KLHL12: variants seen among roughly 807,000 people sequenced by gnomAD.
KLHL12 encodes the protein kelch-like protein 12.
In KLHL12, 17 loss-of-function variants were observed where a neutral mutation model predicts 60.8. That is an observed-to-expected ratio of 0.28 (90% confidence interval 0.19 to 0.42). The LOEUF (loss-of-function observed/expected upper bound fraction) is 0.42. Among genes scored for constraint, KLHL12 ranks in the 10% least tolerant of loss-of-function variants. The pLI, the probability that KLHL12 is intolerant of heterozygous loss-of-function variation, is 1.00. For missense variants in KLHL12, 468 were observed against 722.3 expected (o/e 0.65, Z 4.04); for synonymous variants, 220 against 250.9 (o/e 0.88, Z 1.16).
chr1:202,921,955 T>C (rs1280806557), intron 2 of KLHL12, among the ~76,000 whole-genome samples: 2 of 152,202 alleles, frequency 1.3e-5, no homozygotes, highest in Admixed American at 1.3e-4. Flanking sequence ...TGAAAAAACA[T>C]ATTAGGTTTT....
intron 6 of KLHL12, among the ~76,000 whole-genome samples, chr1:202,902,428 CAA>C (rs1217257704): frequency 7.3e-6 from 1 of 136,672 alleles, no homozygotes; most frequent in Non-Finnish European, 1.6e-5. Flanking sequence ...AGACTCCGTC[CAA>C]AAAAAAAAAC....
intron 4 of KLHL12, among the ~76,000 whole-genome samples, chr1:202,917,297 C>T (rs1660551399): frequency 6.6e-6 from 1 of 152,200 alleles, no homozygotes; most frequent in Non-Finnish European, 1.5e-5. Context: ...TCACTGCAGC[C>T]TCAAACTCCC....
chr1:202,896,964 A>C lies in KLHL12; in HGVS notation c.833-4T>G, dbSNP rs769177103. ...ACCAAAAGCACTTCATTGGCTCCTG[A>C]AGACAAAGGCAGAAAAAAGATGGGT... On this transcript the variant is annotated splice_region_variant and splice_polypyrimidine_tract_variant and intron_variant, in intron 6 of 11. Transcript: ENST00000367261. 1.3e-5 allele frequency: 21 copies of C among 1,612,908 alleles called. No homozygotes were observed. The highest frequency in any genetic ancestry group is 1.7e-5 in the Non-Finnish European group (20 of 1,179,018).
At chr1:202,925,639 C>T (rs1365602841) in intron 1 of KLHL12, among the ~76,000 whole-genome samples, 1 of 152,118 alleles carries the variant, frequency 6.6e-6, no homozygotes, top group Non-Finnish European at 1.5e-5. Flanking sequence ...TATATGTATG[C>T]TTTCTATCCT....
chr1:202,896,549 CAGTTT>C (rs1659840169), intron 7 of KLHL12, among the ~76,000 whole-genome samples: 1 of 152,174 alleles, frequency 6.6e-6, no homozygotes, highest in Non-Finnish European at 1.5e-5. Context: ...ACATTCAGTT[CAGTTT>C]AACACAGCAC....
chr1:202,917,640 A>C (rs886197953), intron 4 of KLHL12, among the ~76,000 whole-genome samples: 1 of 151,248 alleles, frequency 6.6e-6, no homozygotes, highest in Non-Finnish European at 1.5e-5. Flanking sequence ...TTTCTGATCC[A>C]CTCCTGAGCA....
intron 5 of KLHL12, among the ~76,000 whole-genome samples, chr1:202,910,828 C>T (rs193126170): frequency 6.6e-6 from 1 of 152,248 alleles, no homozygotes; most frequent in East Asian, 1.9e-4. Context: ...CAGCAAAACA[C>T]AAAATTGAAC....
chr1:202,926,328 T>C (rs1468047814), intron 1 of KLHL12, among the ~76,000 whole-genome samples: 1 of 152,152 alleles, frequency 6.6e-6, no homozygotes, highest in South Asian at 2.1e-4. Context: ...AATCAAACTG[T>C]GGTCTCCAAA....
chr1:202,896,737 T>G (rs1378704681), intron 7 of KLHL12, 117 bp downstream of exon 7: 1 of 798,610 alleles, frequency 1.3e-6, no homozygotes, highest in Non-Finnish European at 2.2e-6. Flanking sequence ...AAGACTGTTG[T>G]AAGAAACATC....
In KLHL12 at chr1:202,920,525, C is replaced by T. The variant is rs564602986; in HGVS notation, c.196-617G>A. 1.9e-4 allele frequency among the ~76,000 whole-genome samples: 28 copies of T among 151,070 alleles called. No homozygotes were observed. In the South Asian group the frequency reaches 2.7e-3, roughly 15 times the overall value. The stretch of plus-strand genomic sequence containing the variant: ...CCGAGTAGTTTGGACTACAGGCGCC[C>T]GCCACCACGCCCGGCTAATTTTTTG... On this transcript the variant is annotated intron_variant, in intron 2 of 11. Coordinates refer to ENST00000367261, the MANE Select transcript of KLHL12 (RefSeq NM_021633.4).
rs1278366839 is a variant in KLHL12, at chr1:202,893,695, G to GA, written c.1394-271dup. On this transcript the variant is annotated intron_variant, in intron 10 of 11. Transcript: ENST00000367261. The surrounding 1 kb of genome is among the most constrained non-coding windows in gnomAD (Gnocchi z 4.1). ...CAGAGCCCAACCCTTCTAATTAGGA[G>GA]AAAGGGAGGAAGTGAAAAAAAGGTG... is the stretch of plus-strand genomic sequence containing the variant. Among the ~76,000 whole-genome samples, 9 of 152,198 alleles carry GA rather than the reference G, an allele frequency of 5.9e-5. No homozygotes were observed. Among genetic ancestry groups the GA allele is most frequent in the African/African-American group, 2.2e-4 (9 of 41,450 alleles).
chr1:202,894,904 G>A (rs939318795), intron 8 of KLHL12, among the ~76,000 whole-genome samples, 155 bp from the exon 9 acceptor site: 2 of 152,116 alleles, frequency 1.3e-5, no homozygotes, highest in Admixed American at 1.3e-4. Flanking sequence ...AGACAAGGAA[G>A]ACATCTAAAA....
In KLHL12 at chr1:202,895,745, A is replaced by G; in HGVS notation, c.940-28T>C. 2.5e-6 allele frequency: 4 copies of G among 1,597,844 alleles called. No homozygotes were observed. The highest frequency in any genetic ancestry group is 3.4e-6 in the Non-Finnish European group (4 of 1,168,348). On this transcript the variant is annotated intron_variant, in intron 7 of 11. Coordinates refer to ENST00000367261, the MANE Select transcript of KLHL12 (RefSeq NM_021633.4). The surrounding 1 kb of genome is among the most constrained non-coding windows in gnomAD (Gnocchi z 4.2). ...ATGGATTTGGAGAGAAGAGGTACAGAGCATTTCAGTTAGGCAAGTTTTGGG... is the reference window on the plus strand; with the variant it reads ...ATGGATTTGGAGAGAAGAGGTACAGGGCATTTCAGTTAGGCAAGTTTTGGG...
At chr1:202,897,112 C>A in intron 6 of KLHL12, 152 bp from the exon 7 acceptor site, 3 of 663,096 alleles carry the variant, frequency 4.5e-6, no homozygotes, top group Middle Eastern at 2.5e-4. Context: ...ATAAGGCTGT[C>A]GAATGGGGAG....
chr1:202,908,969 G>A, intron 6 of KLHL12, 41 bp downstream of exon 6: 2 of 1,269,078 alleles, frequency 1.6e-6, no homozygotes, highest in Non-Finnish European at 1.2e-6. Flanking sequence ...GCAAGAAGTA[G>A]TTGAAAAGCA....
intron 6 of KLHL12, among the ~76,000 whole-genome samples, chr1:202,899,239 G>T (rs1659931476): frequency 6.6e-6 from 1 of 152,170 alleles, no homozygotes; most frequent in South Asian, 2.1e-4. Flanking sequence ...TTAAACCCAG[G>T]AAGTGGAGGT....
At chr1:202,899,653 CCG>C (rs1264608590) in intron 6 of KLHL12, among the ~76,000 whole-genome samples, 1 of 151,816 alleles carries the variant, frequency 6.6e-6, no homozygotes, top group East Asian at 1.9e-4. Context: ...TGGCAAAACC[CCG>C]TCTCTACTAA....
intron 6 of KLHL12, among the ~76,000 whole-genome samples, chr1:202,898,750 T>C (rs746163175): frequency 5.9e-5 from 9 of 151,964 alleles, no homozygotes; most frequent in Non-Finnish European, 1.2e-4. Flanking sequence ...ATGGAAACTT[T>C]TGGATTAAAA....
At chr1:202,898,564 C>G (rs1020093706) in intron 6 of KLHL12, among the ~76,000 whole-genome samples, 2 of 152,118 alleles carry the variant, frequency 1.3e-5, no homozygotes, top group African/African-American at 4.8e-5. Flanking sequence ...AAAAACTGAG[C>G]CTGACTCTTA....
Sources: allele counts gnomAD v4.1 joint callset (sites outside exome capture counted in the v4.1 genomes callset), GRCh38; gene constraint gnomAD v4.1.1; non-coding constraint Gnocchi (gnomAD v3.1); transcripts MANE v1.5; gene names NCBI Gene and HGNC (gene_info 2026-07-23, HGNC 2026-07-21).